The following MATN2 variants were observed in gnomAD, a reference collection of about 807,000 sequenced individuals.
The protein encoded by MATN2 is matrilin-2.
In MATN2, 69 loss-of-function variants were observed where a neutral mutation model predicts 103.2. That is an observed-to-expected ratio of 0.67 (90% CI 0.55 to 0.82). MATN2 has a LOEUF of 0.82. Ranked by LOEUF, MATN2 falls within the 40% of genes least tolerant of loss-of-function variation. The pLI is 0.00. For missense variants in MATN2, 1,023 were observed against 1,211.5 expected (o/e 0.84, Z 2.31); for synonymous variants, 429 against 450.2 (o/e 0.95, Z 0.60).
chr8:98,000,604 A>AAAAAAAGAAAAAAAG (rs1390825498), intron 7 of MATN2, among the ~76,000 whole-genome samples: 2 of 127,208 alleles, frequency 1.6e-5, no homozygotes, highest in African/African-American at 3.0e-5. Context: ...CTCAAAAAAA[A>AAAAAAAGAAAAAAAG]AAAAAAGAAA....
At chr8:97,899,829 A>G (rs115801678) in intron 2 of MATN2, among the ~76,000 whole-genome samples, 4,697 of 152,254 alleles carry the variant, frequency 0.031, 235 homozygotes, top group African/African-American at 0.11. Flanking sequence ...ACAGTGTGTC[A>G]TCTTTCAACA....
chr8:98,008,492 C>T (rs1469697879), intron 10 of MATN2, among the ~76,000 whole-genome samples: 3 of 152,214 alleles, frequency 2.0e-5, no homozygotes, highest in African/African-American at 7.2e-5. Context: ...CTTTTTATAT[C>T]ATCTATTCAT....
chr8:98,032,849 T>G (rs1814091234), intron 16 of MATN2, among the ~76,000 whole-genome samples, 193 bp from the exon 17 acceptor site: 1 of 151,624 alleles, frequency 6.6e-6, no homozygotes, highest in African/African-American at 2.4e-5. Context: ...TTTTGTTTTT[T>G]GTTGTTGTTG....
intron 5 of MATN2, among the ~76,000 whole-genome samples, chr8:97,973,062 A>T (rs568197792): frequency 3.3e-5 from 5 of 152,342 alleles, no homozygotes; most frequent in African/African-American, 1.2e-4. Flanking sequence ...TTAGAGCTGA[A>T]TGCCCTAGAA....
Position 98,030,507 on chromosome 8 carries a change from AACT to A in MATN2, c.2405_2407del (p.Leu802del). 6.2e-7 allele frequency: 1 copy of A among 1,613,916 alleles called. No homozygotes were observed. The highest frequency in any genetic ancestry group is 8.5e-7 in the Non-Finnish European group (1 of 1,179,850). ...GGGGTAGGAAAAGCCATTGAGGAGG[AACT>A]ACAAGAGATTGCCTCTGAGCCCACA... On this transcript the variant is annotated inframe_deletion, in exon 15 of 19. Transcript: ENST00000254898.
intron 2 of MATN2, among the ~76,000 whole-genome samples, chr8:97,928,570 TG>T (rs1810070602): frequency 6.6e-6 from 1 of 152,144 alleles, no homozygotes; most frequent in African/African-American, 2.4e-5. Context: ...GCTCAGCCCC[TG>T]GGGCTCAGGG....
chr8:97,961,768 T>C (rs762515359), intron 5 of MATN2, among the ~76,000 whole-genome samples: 1 of 152,252 alleles, frequency 6.6e-6, no homozygotes, highest in Non-Finnish European at 1.5e-5. Flanking sequence ...TGATAATCCA[T>C]GCAAATATAA....
intron 5 of MATN2, among the ~76,000 whole-genome samples, chr8:97,973,927 G>A (rs1397628061): frequency 7.9e-5 from 12 of 152,068 alleles, no homozygotes; most frequent in Admixed American, 7.2e-4. Flanking sequence ...ATTGGAACAA[G>A]GATTTCAAGA....
chr8:98,024,958 C>A (rs534737290), intron 13 of MATN2: 32 of 152,286 alleles, frequency 2.1e-4, no homozygotes, highest in African/African-American at 4.3e-4. Flanking sequence ...CCTGGAGAAG[C>A]CTTCTGGATG....
chr8:97,898,321 T>C (rs933360318), intron 2 of MATN2, among the ~76,000 whole-genome samples: 1 of 151,970 alleles, frequency 6.6e-6, no homozygotes, highest in Non-Finnish European at 1.5e-5. Flanking sequence ...GACGGCCGGG[T>C]GCGGTGGCTC....
rs71570279 is a variant in MATN2 at position 97,988,189 on chromosome 8, T to TATATATATATATATACACACAC, written c.1082-6290_1082-6289insTATATATATATATACACACACA. On this transcript the variant is annotated intron_variant, in intron 6 of 18. Transcript: ENST00000254898. ...AAAAAAAAATATATATATATATATA[T>TATATATATATATATACACACAC]ACACACACACACATATGTATACACA... Among the ~76,000 whole-genome samples, 55 of 54,830 alleles carry TATATATATATATATACACACAC rather than the reference T, an allele frequency of 1.0e-3. 1 individual carries two copies. Among genetic ancestry groups the TATATATATATATATACACACAC allele is most frequent in the South Asian group, 3.0e-3 (7 of 2,332 alleles). The allele number at this position is 54,830 out of a possible 152,430, so 36.0% of individuals were successfully genotyped here. A position where few individuals can be genotyped will look rare whatever the true frequency, so the allele number is the denominator to read the frequency against.
At chr8:98,018,735 T>C (rs1216963356) in intron 12 of MATN2, among the ~76,000 whole-genome samples, 1 of 152,036 alleles carries the variant, frequency 6.6e-6, no homozygotes, top group Non-Finnish European at 1.5e-5. Flanking sequence ...TGGAGACTTA[T>C]TCACAATCAG....
chr8:97,942,197 G>A (rs747727809), intron 4 of MATN2, among the ~76,000 whole-genome samples: 13 of 152,148 alleles, frequency 8.5e-5, no homozygotes, highest in Non-Finnish European at 1.3e-4. Flanking sequence ...TCTTTAGCAG[G>A]GACTACTGAA....
At chr8:97,893,833 G>A (rs144015939) in intron 2 of MATN2, among the ~76,000 whole-genome samples, 6 of 152,198 alleles carry the variant, frequency 3.9e-5, no homozygotes, top group African/African-American at 1.2e-4. Context: ...GTGAGCCGCC[G>A]CACCCGGCCC....
chr8:97,954,151 C>A (rs532845582), intron 4 of MATN2, among the ~76,000 whole-genome samples: 5 of 152,098 alleles, frequency 3.3e-5, no homozygotes, highest in African/African-American at 1.2e-4. Flanking sequence ...AGTCGATATT[C>A]TTTTCACCTG....
chr8:97,895,745 C>T (rs1411349567), intron 2 of MATN2, among the ~76,000 whole-genome samples: 4 of 152,176 alleles, frequency 2.6e-5, no homozygotes, highest in African/African-American at 7.2e-5. Flanking sequence ...TGGGTTGGGA[C>T]GTGTTATCTC....
chr8:97,986,274 A>G lies in MATN2; in HGVS notation c.1081+7266A>G, dbSNP rs1352725720. ...TCTACCATCAGTGTTTAAGGGGGCA[A>G]TTTTTATTTTTAAATTAAATTAAAT... is the stretch of plus-strand genomic sequence containing the variant. On this transcript the variant is annotated intron_variant, in intron 6 of 18. Transcript: ENST00000254898. 7.9e-5 allele frequency among the ~76,000 whole-genome samples: 12 copies of G among 152,328 alleles called. No individual in the cohort carries two copies. The East Asian group carries it at 1.9e-3, about 24-fold the overall frequency.
At chr8:98,015,048 C>G (rs1813312460) in intron 10 of MATN2, among the ~76,000 whole-genome samples, 1 of 152,216 alleles carries the variant, frequency 6.6e-6, no homozygotes, top group Admixed American at 6.5e-5. Context: ...CACAAACCTT[C>G]TAGTCCCCCA....
chr8:97,971,958 G>A (rs1467848210), intron 5 of MATN2, among the ~76,000 whole-genome samples: 4 of 151,874 alleles, frequency 2.6e-5, no homozygotes. Context: ...CACTTCGGGA[G>A]GCCAAGGCGG....
Sources: allele counts gnomAD v4.1 joint callset (sites outside exome capture counted in the v4.1 genomes callset), GRCh38; gene constraint gnomAD v4.1.1; transcripts MANE v1.5; gene names NCBI Gene and HGNC (gene_info 2026-07-23, HGNC 2026-07-21).